LMBR1: variants seen among roughly 807,000 people sequenced by gnomAD.
LMBR1 encodes limb region 1 protein homolog.
LMBR1 carries 52 observed loss-of-function variants against 73.9 expected under a neutral mutation model. That is an observed-to-expected ratio of 0.70 (90% CI 0.56 to 0.89). The LOEUF is 0.89. Among genes scored for constraint, LMBR1 ranks in the 40% least tolerant of loss-of-function variants. The pLI, the probability that LMBR1 is intolerant of heterozygous loss-of-function variation, is 0.00. For synonymous variants in LMBR1, 215 were observed against 209.4 expected (o/e 1.03, Z -0.23); for missense variants, 539 against 579.8 (o/e 0.93, Z 0.72).
At chr7:156,707,655 A>T (rs1165507848) in intron 15 of LMBR1, among the ~76,000 whole-genome samples, 2 of 152,212 alleles carry the variant, frequency 1.3e-5, no homozygotes, top group Non-Finnish European at 2.9e-5. Flanking sequence ...AAAGCATGTG[A>T]TAACTTCAGC....
rs1293759282 is a variant in LMBR1, at chr7:156,670,552, A to G, written n.867-1265T>C. Among the ~76,000 whole-genome samples the G allele has an allele frequency of 6.6e-6, 1 of 152,210 alleles. No individual in the cohort carries two copies. The highest frequency in any genetic ancestry group is 1.5e-5 in the Non-Finnish European group (1 of 68,044). On this transcript the variant is annotated intron_variant and non_coding_transcript_variant, in intron 4 of 4. Coordinates refer to the LMBR1 transcript ENST00000430825. This position sits in a 1 kb window ranked among gnomAD's most constrained non-coding sequence, Gnocchi z 4.3. ...GATTTAAGAAGCCCAAGGAAGCCCA[A>G]TATGATTTTGTTTTAAGTGTCTAGT...
chr7:156,833,845 CATT>C (rs763209749), intron 2 of LMBR1, 53 bp from the exon 3 acceptor site: 2 of 1,143,468 alleles, frequency 1.7e-6, no homozygotes, highest in Non-Finnish European at 2.6e-6. Context: ...CAAAATGCGT[CATT>C]AATTTATTAA....
chr7:156,875,598 C>G (rs1384858697), intron 1 of LMBR1, among the ~76,000 whole-genome samples: 3 of 152,106 alleles, frequency 2.0e-5, no homozygotes, highest in African/African-American at 7.2e-5. Flanking sequence ...AAAGAAAAAC[C>G]AGAGTAACTG....
chr7:156,732,715 C>T (rs760317206), intron 10 of LMBR1, among the ~76,000 whole-genome samples: 1 of 152,186 alleles, frequency 6.6e-6, no homozygotes, highest in Non-Finnish European at 1.5e-5. Flanking sequence ...CTTGCCTGAG[C>T]AGTGGGGAAT....
chr7:156,885,741 T>C (rs1241795985), intron 1 of LMBR1, among the ~76,000 whole-genome samples: 2 of 152,166 alleles, frequency 1.3e-5, no homozygotes, highest in Middle Eastern at 3.4e-3. Context: ...TAGCCGGGCA[T>C]GGTGGCAGGC....
At chr7:156,805,268 A>G (rs576140237) in intron 4 of LMBR1, among the ~76,000 whole-genome samples, 78 of 138,384 alleles carry the variant, frequency 5.6e-4, no homozygotes, top group African/African-American at 2.1e-3. Flanking sequence ...TCCAGGCTGG[A>G]GTGCAGTGGC....
chr7:156,873,552 T>A (rs1158143058), intron 1 of LMBR1, among the ~76,000 whole-genome samples: 2 of 152,162 alleles, frequency 1.3e-5, no homozygotes, highest in Non-Finnish European at 2.9e-5. Flanking sequence ...TAGAGCCCAG[T>A]GGCCTGTTTT....
intron 9 of LMBR1, among the ~76,000 whole-genome samples, chr7:156,738,555 G>C (rs1209605952): frequency 6.6e-6 from 1 of 152,212 alleles, no homozygotes; most frequent in Non-Finnish European, 1.5e-5. Flanking sequence ...CTCACAGCAA[G>C]GAAAGTGACT....
chr7:156,802,789 CT>C (rs745470633), intron 4 of LMBR1, among the ~76,000 whole-genome samples: 1 of 131,862 alleles, frequency 7.6e-6, no homozygotes, highest in Admixed American at 7.3e-5. Flanking sequence ...CCACCTCCCC[CT>C]GATTCCCAGT....
At chr7:156,697,779 C>T (rs995545556) in intron 15 of LMBR1, among the ~76,000 whole-genome samples, 7 of 152,144 alleles carry the variant, frequency 4.6e-5, no homozygotes, top group Admixed American at 6.5e-5. Flanking sequence ...TTCAAACACA[C>T]GTTTTACAAT....
At chr7:156,812,576 C>CTACAA (rs1218051551) in intron 4 of LMBR1, among the ~76,000 whole-genome samples, 1 of 152,186 alleles carries the variant, frequency 6.6e-6, no homozygotes, top group Non-Finnish European at 1.5e-5. Flanking sequence ...ATTCAGCCAA[C>CTACAA]AGTCTGAAAC....
At chr7:156,833,917 A>C in intron 2 of LMBR1, 125 bp from the exon 3 acceptor site, 1 of 630,892 alleles carries the variant, frequency 1.6e-6, no homozygotes, top group Non-Finnish European at 2.7e-6. Context: ...ATTTTCAAAA[A>C]GCACTGTATT....
Position 156,697,651 on chromosome 7 carries a change from A to G in LMBR1, c.1226-9460T>C, listed in dbSNP as rs180878787. ...CCATTTATTGACTCTCTGCAAGAAG[A>G]AAAACATGGCTCTTTCTGCCCGACC... is the stretch of plus-strand genomic sequence containing the variant. On this transcript the variant is annotated intron_variant, in intron 15 of 16. Coordinates refer to ENST00000353442, the MANE Select transcript of LMBR1 (RefSeq NM_022458.4). Among the ~76,000 whole-genome samples the G allele has an allele frequency of 2.7e-3, 408 of 152,344 alleles. 1 individual carries two copies. Among genetic ancestry groups the G allele is most frequent in the African/African-American group, 8.7e-3 (362 of 41,580 alleles).
intron 9 of LMBR1, among the ~76,000 whole-genome samples, chr7:156,749,087 C>G (rs1820366270): frequency 6.6e-6 from 1 of 152,150 alleles, no homozygotes; most frequent in Non-Finnish European, 1.5e-5. Flanking sequence ...TGATCACTTT[C>G]ACGCTAATAC....
chr7:156,846,394 A>G (rs1247995482), intron 1 of LMBR1, among the ~76,000 whole-genome samples: 1 of 152,166 alleles, frequency 6.6e-6, no homozygotes, highest in African/African-American at 2.4e-5. Flanking sequence ...ACCCTGTCTC[A>G]TTAATTAATT....
chr7:156,778,826 C>T (rs898111390), intron 5 of LMBR1, among the ~76,000 whole-genome samples: 4 of 152,274 alleles, frequency 2.6e-5, no homozygotes, highest in Non-Finnish European at 5.9e-5. Flanking sequence ...GCACTTTTAT[C>T]ACCACCATTA....
At chr7:156,886,166 C>A (rs1407801754) in intron 1 of LMBR1, among the ~76,000 whole-genome samples, 2 of 152,150 alleles carry the variant, frequency 1.3e-5, no homozygotes, top group Non-Finnish European at 2.9e-5. Context: ...GAACCACACT[C>A]TGCCTCAAAA....
At chr7:156,889,685 G>A (rs192735940) in intron 1 of LMBR1, among the ~76,000 whole-genome samples, 2 of 152,242 alleles carry the variant, frequency 1.3e-5, no homozygotes, top group African/African-American at 4.8e-5. Flanking sequence ...AGTAGACGAA[G>A]CTCTGGACTG....
chr7:156,705,583 T>C (rs1040724283), intron 15 of LMBR1, among the ~76,000 whole-genome samples: 48 of 152,154 alleles, frequency 3.2e-4, no homozygotes, highest in Admixed American at 3.0e-3. Flanking sequence ...AAGCCTGCCA[T>C]TGAAGAATTC....
Sources: gnomAD v4.1 joint callset for allele counts (sites outside exome capture counted in the v4.1 genomes callset) on GRCh38, gnomAD v4.1.1 for gene constraint, Gnocchi (gnomAD v3.1) non-coding constraint, MANE v1.5 for transcripts, NCBI Gene and HGNC (gene_info 2026-07-23, HGNC 2026-07-21) for gene names.